SPC25: variants seen among roughly 807,000 people sequenced by gnomAD.
The protein encoded by SPC25 is SPC25 component of NDC80 kinetochore complex.
Under a neutral mutation model 29.6 loss-of-function variants are expected in SPC25, and 22 were observed. The observed-to-expected ratio is 0.74, with a 90% CI of 0.53 to 1.06. The LOEUF is 1.06. Among genes scored for constraint, SPC25 ranks in the 50% least tolerant of loss-of-function variants. SPC25 has a pLI of 0.00. For missense variants in SPC25, 230 were observed against 255.8 expected (o/e 0.90, Z 0.69); for synonymous variants, 91 against 90.4 (o/e 1.01, Z -0.04).
At chr2:168,863,864 T>C (rs1000771286) in intron 4 of SPC25, among the ~76,000 whole-genome samples, 2 of 151,794 alleles carry the variant, frequency 1.3e-5, no homozygotes, top group African/African-American at 2.4e-5. Context: ...TACATAGAAA[T>C]AGAAAGTGAG....
downstream of SPC25, among the ~76,000 whole-genome samples, chr2:168,867,346 G>T (rs887984978): frequency 3.3e-5 from 5 of 152,088 alleles, no homozygotes; most frequent in Non-Finnish European, 7.4e-5. Flanking sequence ...AAAATAACCA[G>T]CTAACATCAT....
At chr2:168,889,339 A>G in intron 2 of SPC25, 48 bp from the exon 3 acceptor site, 1 of 1,613,516 alleles carries the variant, frequency 6.2e-7, no homozygotes, top group Non-Finnish European at 8.5e-7. Context: ...ACACTAAAAA[A>G]TAAACTAGAA....
chr2:168,863,006 C>T (rs1204124191), intron 4 of SPC25, among the ~76,000 whole-genome samples: 1 of 105,866 alleles, frequency 9.4e-6, no homozygotes, highest in Non-Finnish European at 1.8e-5. Flanking sequence ...CAGGCAATTA[C>T]TTTTCTTCCT....
chr2:168,883,969 C>A (rs973511708), intron 3 of SPC25, among the ~76,000 whole-genome samples: 4 of 152,040 alleles, frequency 2.6e-5, no homozygotes, highest in African/African-American at 9.7e-5. Context: ...TGGGGTTTCA[C>A]CATGTTGGCC....
rs1032168240 is a variant in SPC25 at position 168,870,956 on chromosome 2, C to G, written c.*475G>C. On this transcript the variant is annotated 3_prime_UTR_variant, in exon 7 of 7. Transcript: ENST00000282074. ...ACAATAGCAAAGACTTGGAACCAAC[C>G]CAAATGTCCAACAATGATAGACTGG... 2 of 151,676 alleles carry G rather than the reference C, an allele frequency of 1.3e-5. No homozygotes were observed. The highest frequency in any genetic ancestry group is 4.9e-5 in the African/African-American group (2 of 40,958). The allele number at this position is 151,676 out of a possible 1,614,324, so 9.4% of individuals were successfully genotyped here.
intron 3 of SPC25, among the ~76,000 whole-genome samples, chr2:168,878,004 C>T (rs1185997112): frequency 1.3e-5 from 2 of 152,106 alleles, no homozygotes; most frequent in African/African-American, 4.8e-5. Flanking sequence ...TGGCCAACAA[C>T]CAAACTCTAG....
chr2:168,862,249 C>T (rs1165224673), intron 4 of SPC25, among the ~76,000 whole-genome samples: 2 of 152,248 alleles, frequency 1.3e-5, no homozygotes, highest in African/African-American at 4.8e-5. Flanking sequence ...GTGTGTCAGA[C>T]ATTGTTGCAG....
intron 3 of SPC25, among the ~76,000 whole-genome samples, chr2:168,879,340 A>C (rs2105828773): frequency 6.6e-6 from 1 of 152,364 alleles, no homozygotes; most frequent in African/African-American, 2.4e-5. Context: ...AAGTTTATAT[A>C]ATAGTCTAAA....
At chr2:168,883,215 T>G (rs1690204636) in intron 3 of SPC25, among the ~76,000 whole-genome samples, 1 of 151,388 alleles carries the variant, frequency 6.6e-6, no homozygotes, top group African/African-American at 2.4e-5. Context: ...TTCTCAAAGT[T>G]GAAAAAAAAA....
rs1278527749 is a variant in SPC25 at position 168,865,831 on chromosome 2, GACAA to G, written n.419+7750_419+7753del. Among the ~76,000 whole-genome samples, 15 of 152,230 alleles carry G rather than the reference GACAA, an allele frequency of 9.9e-5. No individual in the cohort carries two copies. In the South Asian group the frequency reaches 1.0e-3, roughly 11 times the overall value. On this transcript the variant is annotated intron_variant and non_coding_transcript_variant, in intron 4 of 4. Coordinates refer to the SPC25 transcript ENST00000479309. ...AGCATTCTTATATACACCAATAACA[GACAA>G]ACAGAGAGCCAAATCATGAGTGAAC...
intron 5 of SPC25, among the ~76,000 whole-genome samples, chr2:168,874,356 A>T (rs1189494648): frequency 6.6e-6 from 1 of 152,192 alleles, no homozygotes; most frequent in Admixed American, 6.6e-5. Flanking sequence ...TTACAATATG[A>T]CCCAGCAATT....
At chr2:168,887,963 C>T (rs1319887055) in intron 3 of SPC25, among the ~76,000 whole-genome samples, 1 of 152,116 alleles carries the variant, frequency 6.6e-6, no homozygotes, top group African/African-American at 2.4e-5. Flanking sequence ...CAAGAGAATG[C>T]CATTTATATA....
At chr2:168,888,621 G>T (rs530407301) in intron 3 of SPC25, among the ~76,000 whole-genome samples, 5 of 152,106 alleles carry the variant, frequency 3.3e-5, no homozygotes, top group African/African-American at 1.2e-4. Flanking sequence ...ATATTGATAG[G>T]TTAGTTGTGG....
intron 3 of SPC25, among the ~76,000 whole-genome samples, chr2:168,883,094 A>G (rs2105832335): frequency 6.6e-6 from 1 of 152,200 alleles, no homozygotes; most frequent in Admixed American, 6.5e-5. Flanking sequence ...CAGTATTTAT[A>G]ATGAAAAACT....
Position 168,863,168 on chromosome 2 carries a change from C to T in SPC25, n.419+10417G>A, listed in dbSNP as rs537980140. On this transcript the variant is annotated intron_variant and non_coding_transcript_variant, in intron 4 of 4. Transcript: ENST00000479309. ...TTATACTTTATATTCTAAGCAGTTT[C>T]TTTAAATGAAACACGACGTTGGAGC... 1.5e-3 allele frequency among the ~76,000 whole-genome samples: 230 copies of T among 152,238 alleles called. 2 individuals are homozygous for T. Among genetic ancestry groups the T allele is most frequent in the Non-Finnish European group, 2.8e-3 (188 of 68,008 alleles).
intron 4 of SPC25, among the ~76,000 whole-genome samples, chr2:168,862,798 G>A (rs1183944144): frequency 6.6e-6 from 1 of 152,132 alleles, no homozygotes; most frequent in Non-Finnish European, 1.5e-5. Flanking sequence ...GAATGTTAGC[G>A]CTAATGCAGA....
At chr2:168,866,588 C>T (rs1387343915), downstream of SPC25, among the ~76,000 whole-genome samples, 6 of 151,878 alleles carry the variant, frequency 4.0e-5, no homozygotes, top group South Asian at 1.0e-3. Context: ...ATGTCTAAAA[C>T]ACCAAAAGCA....
At chr2:168,877,962 G>A (rs1394372672) in intron 3 of SPC25, among the ~76,000 whole-genome samples, 1 of 146,832 alleles carries the variant, frequency 6.8e-6, no homozygotes, top group Admixed American at 6.8e-5. Flanking sequence ...GCCTCTCAAA[G>A]TGCTGGGATT....
chr2:168,868,034 C>G (rs577603108), downstream of SPC25, among the ~76,000 whole-genome samples: 7 of 151,976 alleles, frequency 4.6e-5, no homozygotes, highest in South Asian at 1.5e-3. Context: ...CAAACTAGAA[C>G]GCAGGATTAA....
Sources: allele counts gnomAD v4.1 joint callset (sites outside exome capture counted in the v4.1 genomes callset), GRCh38; gene constraint gnomAD v4.1.1; transcripts MANE v1.5; gene names NCBI Gene and HGNC (gene_info 2026-07-23, HGNC 2026-07-21).